The following RPS19 variants were observed in gnomAD, a reference collection of about 807,000 sequenced individuals.
RPS19 encodes the protein ribosomal protein S19.
A neutral mutation model predicts 20.3 loss-of-function variants in RPS19; 1 was observed. The ratio of observed to expected loss-of-function variants is 0.05; its 90% CI spans 0.02 to 0.23. The LOEUF (loss-of-function observed/expected upper bound fraction) is 0.23. Ranked by LOEUF, RPS19 falls within the 10% of genes least tolerant of loss-of-function variation. The pLI is 1.00. For synonymous variants in RPS19, 87 were observed against 74.8 expected, an observed-to-expected ratio of 1.16 and a Z score of -0.84; for missense variants, 111 against 192.7, an observed-to-expected ratio of 0.58 and a Z score of 2.51.
intron 5 of RPS19, 81 bp downstream of exon 5, chr19:41,869,834 CTTAT>C: frequency 6.9e-7 from 1 of 1,453,000 alleles, no homozygotes; most frequent in Non-Finnish European, 9.7e-7. Flanking sequence ...GTCAGGTAGA[CTTAT>C]TTCCTTCTCT....
At position 41,872,458 on chromosome 19, in the gene RPS19, A is replaced by G. The variant is rs1265345133; in HGVS notation, c.*1081A>G. ...CCCCTAATCCCACGTAACCCTGTGCACCTTATCCTCTGAGCCTTCGTCTCC... is the reference window on the plus strand; with the variant it reads ...CCCCTAATCCCACGTAACCCTGTGCGCCTTATCCTCTGAGCCTTCGTCTCC... On this transcript the variant is annotated 3_prime_UTR_variant, in exon 6 of 6. Transcript: ENST00000598742. 1 of 152,274 alleles carries G rather than the reference A, an allele frequency of 6.6e-6. No homozygotes were observed. The highest frequency in any genetic ancestry group is 2.4e-5 in the African/African-American group (1 of 41,460). The allele number at this position is 152,274 out of a possible 1,614,324, so 9.4% of individuals were successfully genotyped here.
chr19:41,863,527 T>G (rs1555839760), intron 3 of RPS19, among the ~76,000 whole-genome samples: 3 of 152,190 alleles, frequency 2.0e-5, no homozygotes, highest in South Asian at 4.1e-4. Context: ...TCCTCAGATT[T>G]GAGGCTAAAG....
At chr19:41,869,863 A>G in intron 5 of RPS19, 110 bp downstream of exon 5, 1 of 1,191,788 alleles carries the variant, frequency 8.4e-7, no homozygotes, top group South Asian at 1.2e-5. Context: ...GGCACAGCCC[A>G]GGGTGCTGGT....
At chr19:41,862,987 T>A (rs2074048087) in intron 3 of RPS19, among the ~76,000 whole-genome samples, 1 of 152,234 alleles carries the variant, frequency 6.6e-6, no homozygotes, top group Admixed American at 6.5e-5. Context: ...TGGCAGAAGC[T>A]GTAGCCTACA....
chr19:41,861,285 T>C lies in RPS19; in HGVS notation c.172+73T>C, dbSNP rs2074029106. 19 of 1,076,356 alleles carry C rather than the reference T, an allele frequency of 1.8e-5. No individual in the cohort carries two copies. In the South Asian group the frequency reaches 2.2e-4, roughly 12 times the overall value. The allele number at this position is 1,076,356 out of a possible 1,614,324, so 66.7% of individuals were successfully genotyped here. ...CTGGCACAAACCATACTTCCCTGTC[T>C]CCTCTGAGCTCTTTCCCGCCCCAAG... On this transcript the variant is annotated intron_variant, in intron 3 of 5. Coordinates refer to ENST00000598742, the MANE Select transcript of RPS19 (RefSeq NM_001022.4).
intron 3 of RPS19, among the ~76,000 whole-genome samples, chr19:41,867,329 A>T (rs2074101152): frequency 6.6e-6 from 1 of 151,314 alleles, no homozygotes; most frequent in Non-Finnish European, 1.5e-5. Flanking sequence ...TTTGAGACAG[A>T]GTCTCACTCT....
At chr19:41,864,608 C>T (rs1377408154) in intron 3 of RPS19, 6 of 152,280 alleles carry the variant, frequency 3.9e-5, no homozygotes, top group Non-Finnish European at 1.5e-5. Flanking sequence ...CAGCTGCCCT[C>T]CCTTGACCAT....
chr19:41,868,830 C>T (rs949693217), intron 3 of RPS19, among the ~76,000 whole-genome samples: 3 of 151,786 alleles, frequency 2.0e-5, no homozygotes, highest in African/African-American at 4.8e-5. Flanking sequence ...GGAGTGCCCA[C>T]CCAGGGTGCA....
intron 1 of RPS19, 73 bp downstream of exon 1, chr19:41,860,362 TGAGGGCCCC>T (rs1172883231): frequency 6.4e-6 from 1 of 157,004 alleles, no homozygotes; most frequent in South Asian, 2.0e-4. Context: ...AGCGCGTGCC[TGAGGGCCCC>T]GAGGCGCCCG....
intron 5 of RPS19, among the ~76,000 whole-genome samples, chr19:41,870,828 C>A (rs2074139019): frequency 7.2e-6 from 1 of 139,796 alleles, no homozygotes; most frequent in African/African-American, 2.7e-5. Flanking sequence ...GGAATTTGGA[C>A]TCCACTCCGC....
At chr19:41,861,669 A>G in intron 3 of RPS19, 1 of 252,022 alleles carries the variant, frequency 4.0e-6, no homozygotes, top group Non-Finnish European at 7.9e-6. Flanking sequence ...CAGAGTGTTT[A>G]GAACGTGTCT....
At chr19:41,863,416 G>T (rs1350186599) in intron 3 of RPS19, among the ~76,000 whole-genome samples, 3 of 152,164 alleles carry the variant, frequency 2.0e-5, no homozygotes, top group African/African-American at 4.8e-5. Context: ...GGGACTTGCT[G>T]CAAGTTACCC....
At chr19:41,862,765 G>A (rs1264134278) in intron 3 of RPS19, among the ~76,000 whole-genome samples, 4 of 151,936 alleles carry the variant, frequency 2.6e-5, no homozygotes, top group South Asian at 2.1e-4. Flanking sequence ...CAGTGGCCCT[G>A]CCTGGAAACC....
rs2074158406 is a variant in RPS19, at chr19:41,872,352, A to G, written c.*975A>G. On this transcript the variant is annotated 3_prime_UTR_variant, in exon 6 of 6. Transcript: ENST00000598742. Reference sequence around the variant, plus strand: ...CTCCCAGGATTCCCCTGTCCAAATTATTCCTGGGATCTGACCCATTTCCTG... The same window carrying G: ...CTCCCAGGATTCCCCTGTCCAAATTGTTCCTGGGATCTGACCCATTTCCTG... The G allele has an allele frequency of 6.6e-6, 1 of 152,296 alleles. No individual in the cohort carries two copies. The highest frequency in any genetic ancestry group is 2.4e-5 in the African/African-American group (1 of 41,480). 9.4% of individuals were successfully genotyped at this position (152,296 alleles called of 1,614,324 possible).
At chr19:41,870,897 C>T (rs1450770206) in intron 5 of RPS19, among the ~76,000 whole-genome samples, 2 of 108,916 alleles carry the variant, frequency 1.8e-5, no homozygotes, top group African/African-American at 7.2e-5. Context: ...GAGTCTTGCT[C>T]TGTCGCCCAG....
chr19:41,870,848 C>CTTTTTTTT lies in RPS19; in HGVS notation c.412-503_412-502insTTTTTTTT, dbSNP rs2074139987. 9.3e-5 allele frequency among the ~76,000 whole-genome samples: 8 copies of CTTTTTTTT among 85,766 alleles called. 2 individuals are homozygous for CTTTTTTTT. The highest frequency in any genetic ancestry group is 2.7e-4 in the African/African-American group (6 of 22,542). 56.3% of individuals were successfully genotyped at this position (85,766 alleles called of 152,430 possible). On this transcript the variant is annotated intron_variant, in intron 5 of 5. Transcript: ENST00000598742. ...TTGGACTCCACTCCGCCACTCCCTT[C>CTTTTTTTT]CTTTTTTTTTTTTTTTTTTTTTTTT... is the stretch of plus-strand genomic sequence containing the variant.
Position 41,871,782 on chromosome 19 carries a change from C to T in RPS19, c.*405C>T, listed in dbSNP as rs1168599763. 2 of 234,078 alleles carry T rather than the reference C, an allele frequency of 8.5e-6. No homozygotes were observed. The highest frequency in any genetic ancestry group is 1.7e-5 in the Non-Finnish European group (2 of 116,140). 14.5% of individuals were successfully genotyped at this position (234,078 alleles called of 1,614,324 possible). ...CTCACTCCCCCACATCCTGTCTTTG[C>T]AATTGTCAGAAAGTGAGAAACGAAA... is the stretch of plus-strand genomic sequence containing the variant. On this transcript the variant is annotated 3_prime_UTR_variant, in exon 6 of 6. Coordinates refer to ENST00000598742, the MANE Select transcript of RPS19 (RefSeq NM_001022.4).
chr19:41,869,580 A>T, intron 4 of RPS19, 119 bp from the exon 5 acceptor site: 1 of 1,054,770 alleles, frequency 9.5e-7, no homozygotes, highest in Non-Finnish European at 1.5e-6. Flanking sequence ...TAGGGCCCTC[A>T]GTGGGACTTG....
intron 4 of RPS19, among the ~76,000 whole-genome samples, 195 bp downstream of exon 4, chr19:41,869,409 A>C (rs1287346329): frequency 3.3e-5 from 5 of 152,236 alleles, no homozygotes; most frequent in Non-Finnish European, 7.3e-5. Flanking sequence ...CCCAGGCTCC[A>C]GGAGGGTAAT....
Sources: gnomAD v4.1 joint callset for allele counts (sites outside exome capture counted in the v4.1 genomes callset) on GRCh38, gnomAD v4.1.1 for gene constraint, MANE v1.5 for transcripts, NCBI Gene and HGNC (gene_info 2026-07-23, HGNC 2026-07-21) for gene names.